Variants in CHORDC1 observed in about 807,000 individuals in gnomAD.
CHORDC1 encodes the protein cysteine and histidine-rich domain-containing protein 1.
CHORDC1 carries 25 observed loss-of-function variants against 48.3 expected under a neutral mutation model. The observed-to-expected ratio is 0.52, with a 90% CI of 0.38 to 0.72. The LOEUF is 0.72. Ranked by LOEUF, CHORDC1 falls within the 30% of genes least tolerant of loss-of-function variation. CHORDC1 has a pLI of 0.00. For missense variants in CHORDC1, 317 were observed against 388.7 expected (o/e 0.82, Z 1.55); for synonymous variants, 128 against 126.4 (o/e 1.01, Z -0.09).
At chr11:90,213,572 A>T (rs1857927149) in intron 4 of CHORDC1, 1 of 503,128 alleles carries the variant, frequency 2.0e-6, no homozygotes, top group Non-Finnish European at 3.5e-6. Context: ...AATCAAATGC[A>T]TTAAAAATTG....
chr11:90,218,126 A>G lies in CHORDC1; in HGVS notation c.114+9T>C. On this transcript the variant is annotated intron_variant, in intron 2 of 10. Transcript: ENST00000320585. ...ACAGATATGAAAAAAATGAAAATAT[A>G]GTTCCTACCTTTAATGCATCGTGAA... The G allele has an allele frequency of 1.9e-6, 3 of 1,557,320 alleles. No homozygotes were observed. The highest frequency in any genetic ancestry group is 2.6e-6 in the Non-Finnish European group (3 of 1,153,262).
intron 9 of CHORDC1, 148 bp from the exon 10 acceptor site, chr11:90,203,023 C>T (rs1207859417): frequency 1.8e-6 from 2 of 1,098,448 alleles, no homozygotes; most frequent in Non-Finnish European, 2.5e-6. Context: ...AGAAAAGCCA[C>T]TGACAAAAAA....
intron 5 of CHORDC1, 176 bp downstream of exon 5, chr11:90,211,039 C>T: frequency 2.3e-6 from 1 of 441,422 alleles, no homozygotes; most frequent in Non-Finnish European, 4.0e-6. Context: ...TGGAATTAAC[C>T]TATTAGGTTC....
intron 1 of CHORDC1, among the ~76,000 whole-genome samples, chr11:90,219,119 A>G (rs1365568616): frequency 3.3e-5 from 5 of 152,050 alleles, no homozygotes; most frequent in Non-Finnish European, 7.4e-5. Flanking sequence ...TACAAAAATT[A>G]GCCGGGCGTG....
At chr11:90,213,565 C>T in intron 4 of CHORDC1, 1 of 505,204 alleles carries the variant, frequency 2.0e-6, no homozygotes. Flanking sequence ...TCATCTAAAT[C>T]AAATGCATTA....
chr11:90,214,248 C>A (rs2135047992), intron 3 of CHORDC1, 73 bp from the exon 4 acceptor site: 2 of 1,118,100 alleles, frequency 1.8e-6, no homozygotes, highest in Non-Finnish European at 2.5e-6. Context: ...CTTTTCAGTT[C>A]TTTATTGATA....
chr11:90,204,425 T>TA (rs34401930), intron 8 of CHORDC1, among the ~76,000 whole-genome samples: 21,046 of 152,164 alleles, frequency 0.14, 1,826 homozygotes, highest in Middle Eastern at 0.22. Context: ...CATGTGTTAT[T>TA]AAAAAGCAAC....
chr11:90,218,065 A>T (rs781753495), intron 2 of CHORDC1, 70 bp downstream of exon 2: 12 of 1,149,794 alleles, frequency 1.0e-5, no homozygotes, highest in Non-Finnish European at 1.5e-5. Flanking sequence ...AAGATGAGAA[A>T]ATAAAGATTT....
chr11:90,203,508 G>A, intron 8 of CHORDC1, 81 bp from the exon 9 acceptor site: 1 of 1,347,094 alleles, frequency 7.4e-7, no homozygotes. Context: ...ACCCATCTGA[G>A]AAAAAACTAC....
At chr11:90,210,431 T>C in intron 6 of CHORDC1, 105 bp downstream of exon 6, 1 of 709,356 alleles carries the variant, frequency 1.4e-6, no homozygotes, top group Non-Finnish European at 2.5e-6. Context: ...TAATGTTCAA[T>C]ATATAATATG....
intron 8 of CHORDC1, among the ~76,000 whole-genome samples, chr11:90,204,478 T>C (rs935958563): frequency 3.4e-4 from 51 of 152,232 alleles, no homozygotes; most frequent in Admixed American, 1.2e-3. Flanking sequence ...CCCAGCACTT[T>C]TGGAGGTCGA....
At chr11:90,211,443 A>C in intron 4 of CHORDC1, 125 bp from the exon 5 acceptor site, 1 of 649,358 alleles carries the variant, frequency 1.5e-6, no homozygotes, top group Admixed American at 2.9e-5. Flanking sequence ...ATTCCCATTA[A>C]AAGGTTAAAA....
intron 1 of CHORDC1, among the ~76,000 whole-genome samples, chr11:90,221,313 A>C (rs1344655953): frequency 6.6e-6 from 1 of 152,048 alleles, no homozygotes; most frequent in Non-Finnish European, 1.5e-5. Flanking sequence ...CATTCACTCA[A>C]TCAGTTTACT....
Position 90,218,123 on chromosome 11 carries a change from T to C in CHORDC1, c.114+12A>G. 1 of 1,550,508 alleles carries C rather than the reference T, an allele frequency of 6.4e-7. No individual in the cohort carries two copies. The highest frequency in any genetic ancestry group is 1.2e-5 in the South Asian group (1 of 82,224). On this transcript the variant is annotated intron_variant, in intron 2 of 10. Transcript: ENST00000320585. ...TACACAGATATGAAAAAAATGAAAA[T>C]ATAGTTCCTACCTTTAATGCATCGT... is the stretch of plus-strand genomic sequence containing the variant.
At chr11:90,213,046 C>T (rs1310022772) in intron 4 of CHORDC1, 6 of 188,130 alleles carry the variant, frequency 3.2e-5, no homozygotes, top group African/African-American at 1.4e-4. Context: ...GAAGTTTTGT[C>T]TTTTCCCAAT....
intron 1 of CHORDC1, among the ~76,000 whole-genome samples, chr11:90,221,483 T>A (rs1452774542): frequency 1.3e-5 from 2 of 151,818 alleles, no homozygotes; most frequent in Non-Finnish European, 2.9e-5. Context: ...AATTCACACA[T>A]GGATACAGAC....
intron 1 of CHORDC1, among the ~76,000 whole-genome samples, chr11:90,219,225 C>A (rs10830447): frequency 0.43 from 64,800 of 151,810 alleles, 14,317 homozygotes; most frequent in East Asian, 0.59. Flanking sequence ...GATCATGCCA[C>A]CGCACTACAG....
Position 90,202,348 on chromosome 11 carries a change from C to T in CHORDC1, c.*57G>A. 1.3e-6 allele frequency: 2 copies of T among 1,520,064 alleles called. No homozygotes were observed. Among genetic ancestry groups the T allele is most frequent in the Non-Finnish European group, 9.1e-7 (1 of 1,101,300 alleles). The allele number at this position is 1,520,064 out of a possible 1,614,324, so 94.2% of individuals were successfully genotyped here. On this transcript the variant is annotated 3_prime_UTR_variant, in exon 11 of 11. Coordinates refer to ENST00000320585, the MANE Select transcript of CHORDC1 (RefSeq NM_012124.3). ...AAAAGATTACAGCAGCAAGCCACCA[C>T]TTCACACAGTATTAAAAATTCGGAA...
In CHORDC1 at chr11:90,218,192, A is replaced by T. The variant is rs753946263; in HGVS notation, c.65-8T>A. 2.3e-5 allele frequency: 36 copies of T among 1,541,480 alleles called. 1 individual carries two copies. In the South Asian group the frequency reaches 4.3e-4, roughly 18 times the overall value. On this transcript the variant is annotated splice_polypyrimidine_tract_variant and splice_region_variant and intron_variant, in intron 1 of 10. Coordinates refer to ENST00000320585, the MANE Select transcript of CHORDC1 (RefSeq NM_012124.3). The stretch of plus-strand genomic sequence containing the variant: ...GGTGGTATGTGCAAGCATCTGGAGA[A>T]AACAGAGAAAAAAAAAAAAGTACCA...
Sources: gnomAD v4.1 joint callset for allele counts (sites outside exome capture counted in the v4.1 genomes callset) on GRCh38, gnomAD v4.1.1 for gene constraint, MANE v1.5 for transcripts, NCBI Gene and HGNC (gene_info 2026-07-23, HGNC 2026-07-21) for gene names.